FBXO34: variants seen among roughly 807,000 people sequenced by gnomAD.
FBXO34 encodes F-box protein 34.
In FBXO34, 12 loss-of-function variants were observed where a neutral mutation model predicts 24.5. The observed-to-expected ratio is 0.49, with a 90% CI of 0.31 to 0.79. FBXO34 has a LOEUF of 0.79. Ranked by LOEUF, FBXO34 falls within the 30% of genes least tolerant of loss-of-function variation. FBXO34 has a pLI of 0.04. For missense variants in FBXO34, 823 were observed against 857.7 expected (o/e 0.96, Z 0.51); for synonymous variants, 320 against 311.9 (o/e 1.03, Z -0.27).
the FBXO34 span, among the ~76,000 whole-genome samples, chr14:55,383,379 C>T: frequency 6.6e-6 from 1 of 151,742 alleles, no homozygotes; most frequent in African/African-American, 2.4e-5. Context: ...GGTGAAATGC[C>T]ATCGCTACTA....
At chr14:55,343,524 C>T (rs1181703676) in intron 1 of FBXO34, among the ~76,000 whole-genome samples, 1 of 152,124 alleles carries the variant, frequency 6.6e-6, no homozygotes, top group East Asian at 1.9e-4. Flanking sequence ...GCTGGGATTA[C>T]TAGCGTGAGC....
chr14:55,410,899 T>C, the FBXO34 span, among the ~76,000 whole-genome samples: 3 of 148,516 alleles, frequency 2.0e-5, no homozygotes, highest in African/African-American at 7.4e-5. Flanking sequence ...ATTTTTCAAT[T>C]TTCTTAACCA....
At chr14:55,343,799 C>T (rs750296093) in intron 1 of FBXO34, among the ~76,000 whole-genome samples, 2 of 152,152 alleles carry the variant, frequency 1.3e-5, no homozygotes, top group Non-Finnish European at 2.9e-5. Context: ...TATTGTCATT[C>T]GATTCTTCAT....
At chr14:55,326,633 G>A (rs1201513007) in intron 1 of FBXO34, among the ~76,000 whole-genome samples, 1 of 152,080 alleles carries the variant, frequency 6.6e-6, no homozygotes, top group African/African-American at 2.4e-5. Context: ...CGTAATAGAG[G>A]GCAATCTAGT....
At chr14:55,437,621 C>T in the FBXO34 span, among the ~76,000 whole-genome samples, 1 of 152,194 alleles carries the variant, frequency 6.6e-6, no homozygotes, top group Non-Finnish European at 1.5e-5. Context: ...TCCAATTTTG[C>T]AATAGAGGCA....
At chr14:55,337,816 T>A (rs995176148) in intron 1 of FBXO34, among the ~76,000 whole-genome samples, 3 of 152,158 alleles carry the variant, frequency 2.0e-5, no homozygotes, top group African/African-American at 7.2e-5. Flanking sequence ...CAGTCACACA[T>A]CTTATACTCC....
intron 1 of FBXO34, among the ~76,000 whole-genome samples, chr14:55,337,595 A>G (rs936068157): frequency 1.3e-5 from 2 of 152,280 alleles, no homozygotes; most frequent in Non-Finnish European, 2.9e-5. Flanking sequence ...TTTGGAAATG[A>G]AAAGACTAAG....
At chr14:55,405,889 C>CG in the FBXO34 span, among the ~76,000 whole-genome samples, 5,025 of 39,734 alleles carry the variant, frequency 0.13, 116 homozygotes, top group South Asian at 0.18. Context: ...GGTGGGGTGG[C>CG]GGGGGGGGCA....
intron 1 of FBXO34, chr14:55,299,197 T>A: frequency 1.0e-6 from 1 of 970,966 alleles, no homozygotes; most frequent in South Asian, 1.3e-5. Flanking sequence ...GTTCCCTCTA[T>A]AGCCCTACCA....
At chr14:55,347,881 A>G (rs1884210759) in intron 1 of FBXO34, among the ~76,000 whole-genome samples, 1 of 152,234 alleles carries the variant, frequency 6.6e-6, no homozygotes, top group African/African-American at 2.4e-5. Flanking sequence ...ATACTGTGTA[A>G]TGAGATCATT....
chr14:55,336,552 C>T (rs1272431994), intron 1 of FBXO34, among the ~76,000 whole-genome samples: 1 of 152,130 alleles, frequency 6.6e-6, no homozygotes, highest in Non-Finnish European at 1.5e-5. Context: ...GTTTAGTTCT[C>T]CTTTTTAAAA....
chr14:55,276,383 A>T (rs542592837), intron 1 of FBXO34, among the ~76,000 whole-genome samples: 1 of 152,190 alleles, frequency 6.6e-6, no homozygotes, highest in Non-Finnish European at 1.5e-5. Context: ...TTGCCTATCT[A>T]TCGGTCTATC....
At chr14:55,440,886 G>T in the FBXO34 span, among the ~76,000 whole-genome samples, 1 of 152,306 alleles carries the variant, frequency 6.6e-6, no homozygotes, top group East Asian at 1.9e-4. Context: ...TGTTGAGATG[G>T]AATCCCACTC....
chr14:55,418,263 A>G, the FBXO34 span, among the ~76,000 whole-genome samples: 1 of 152,218 alleles, frequency 6.6e-6, no homozygotes, highest in African/African-American at 2.4e-5. Context: ...GCACATTACA[A>G]GTACTTGGTA....
chr14:55,416,686 G>A, the FBXO34 span, among the ~76,000 whole-genome samples: 2 of 152,170 alleles, frequency 1.3e-5, no homozygotes, highest in Admixed American at 1.3e-4. Context: ...GTGAGTTGGT[G>A]AAGAAGCAAG....
At chr14:55,323,023 A>ACAAAAAAAAC (rs1384609998) in intron 1 of FBXO34, among the ~76,000 whole-genome samples, 1 of 127,892 alleles carries the variant, frequency 7.8e-6, no homozygotes, top group Admixed American at 7.7e-5. Flanking sequence ...AATACAAAAA[A>ACAAAAAAAAC]AAAAAAAAAA....
the FBXO34 span, chr14:55,428,952 C>T: frequency 2.5e-6 from 4 of 1,614,020 alleles, no homozygotes; most frequent in Non-Finnish European, 3.4e-6. Context: ...TATTTTCTTG[C>T]TGCAAGTCGA....
chr14:55,311,201 G>A (rs1445725012), intron 1 of FBXO34, among the ~76,000 whole-genome samples: 1 of 152,162 alleles, frequency 6.6e-6, no homozygotes, highest in Non-Finnish European at 1.5e-5. Context: ...GTGGCAGGAG[G>A]GAGAAGGAAC....
At chr14:55,388,085 C>T in the FBXO34 span, among the ~76,000 whole-genome samples, 20,460 of 151,906 alleles carry the variant, frequency 0.13, 3,960 homozygotes, top group African/African-American at 0.43. Flanking sequence ...TGCAGTGAGC[C>T]GAGATCGTGC....
Sources: allele counts gnomAD v4.1 joint callset (sites outside exome capture counted in the v4.1 genomes callset), GRCh38; gene constraint gnomAD v4.1.1; transcripts MANE v1.5; gene names NCBI Gene and HGNC (gene_info 2026-07-23, HGNC 2026-07-21).